Variants in PRKAB2 observed in about 807,000 individuals in gnomAD.
PRKAB2 encodes protein kinase AMP-activated non-catalytic subunit beta 2.
A neutral mutation model predicts 29.8 loss-of-function variants in PRKAB2; 18 were observed. The ratio of observed to expected loss-of-function variants is 0.60; its 90% CI spans 0.42 to 0.89. PRKAB2 has a LOEUF of 0.89. PRKAB2 is among the 40% of genes least tolerant of loss of function. The probability of loss-of-function intolerance (pLI) is 0.00; values close to 1 mark genes in which losing one functional copy is unlikely to be tolerated. For missense variants in PRKAB2, 270 were observed against 344.3 expected, an observed-to-expected ratio of 0.78 and a Z score of 1.71; for synonymous variants, 136 against 125.9, an observed-to-expected ratio of 1.08 and a Z score of -0.54.
At chr1:147,169,705 T>C (rs1654423650) in intron 2 of PRKAB2, among the ~76,000 whole-genome samples, 1 of 152,234 alleles carries the variant, frequency 6.6e-6, no homozygotes, top group African/African-American at 2.4e-5. Context: ...ATAGATGTTA[T>C]ATGTTCATTC....
chr1:147,163,373 TCTAC>T (rs1164280446), intron 5 of PRKAB2, among the ~76,000 whole-genome samples: 1 of 152,188 alleles, frequency 6.6e-6, no homozygotes, highest in Non-Finnish European at 1.5e-5. Context: ...AAAACATATG[TCTAC>T]ACAAAAACTT....
Position 147,166,885 on chromosome 1 carries a change from C to T in PRKAB2, c.378G>A (p.Lys126=), listed in dbSNP as rs782448525. ...GAACCCACTGTCCATCCACAAAGAA[C>T]TTGTATTGGTGCTCTCCCTCAGGGA... ...LDLPEGEHQY[K]FFVDGQWVHD... Residue 126 remains lysine, a synonymous_variant, in exon 4 of 8, where the codon AAG becomes AAA. Coordinates refer to ENST00000254101, the MANE Select transcript of PRKAB2 (RefSeq NM_005399.5). 4 of 1,614,088 alleles carry T rather than the reference C, an allele frequency of 2.5e-6. No homozygotes were observed. Among genetic ancestry groups the T allele is most frequent in the Non-Finnish European group, 3.4e-6 (4 of 1,179,978 alleles).
chr1:147,163,501 T>A (rs587773057), intron 5 of PRKAB2, among the ~76,000 whole-genome samples: 3 of 152,212 alleles, frequency 2.0e-5, no homozygotes, highest in Non-Finnish European at 4.4e-5. Context: ...AATGGGCTCT[T>A]ATTCAGCCAT....
At chr1:147,169,166 A>C (rs1043433135) in intron 2 of PRKAB2, among the ~76,000 whole-genome samples, 1 of 152,120 alleles carries the variant, frequency 6.6e-6, no homozygotes, top group Non-Finnish European at 1.5e-5. Flanking sequence ...AATATTACTA[A>C]ATTGAATAAT....
At position 147,166,852 on chromosome 1, in the gene PRKAB2, T is replaced by C; in HGVS notation, c.411A>G (p.Pro137=). The part of the protein sequence containing the change: ...FFVDGQWVHD[P]SEPVVTSQLG... ...TTGGAGATCAAGGCCTTACCTCTGA[T>C]GGATCATGAACCCACTGTCCATCCA... is the stretch of plus-strand genomic sequence containing the variant. The change falls in exon 4 of 8, where the codon CCA becomes CCG. Residue 137 remains proline (P), a synonymous_variant. Coordinates refer to ENST00000254101, the MANE Select transcript of PRKAB2 (RefSeq NM_005399.5). The C allele has an allele frequency of 6.2e-7, 1 of 1,613,574 alleles. No homozygotes were observed. The highest frequency in any genetic ancestry group is 8.5e-7 in the Non-Finnish European group (1 of 1,179,458).
rs1230084325 is a variant in PRKAB2 at position 147,156,574 on chromosome 1, A to G, written c.*2991T>C. 1.3e-5 allele frequency: 2 copies of G among 152,156 alleles called. No individual in the cohort carries two copies. Among genetic ancestry groups the G allele is most frequent in the African/African-American group, 4.8e-5 (2 of 41,454 alleles). 9.4% of individuals were successfully genotyped at this position (152,156 alleles called of 1,614,324 possible). The stretch of plus-strand genomic sequence containing the variant: ...CATACAAACATACGTTTTAAAAGCC[A>G]ACACTATTGAGGTTAGGTATGCCCT... On this transcript the variant is annotated 3_prime_UTR_variant, in exon 8 of 8. Coordinates refer to ENST00000254101, the MANE Select transcript of PRKAB2 (RefSeq NM_005399.5).
At position 147,158,591 on chromosome 1, in the gene PRKAB2, A is replaced by G. The variant is rs1653789422; in HGVS notation, c.*974T>C. ...TTAATTAAAAAAAAAATGCAGGCAC[A>G]TAAAAATCTTTCAAGGATGAAAGAC... On this transcript the variant is annotated 3_prime_UTR_variant, in exon 8 of 8. Coordinates refer to ENST00000254101, the MANE Select transcript of PRKAB2 (RefSeq NM_005399.5). The G allele has an allele frequency of 6.6e-6, 1 of 152,140 alleles. No homozygotes were observed. The highest frequency in any genetic ancestry group is 1.5e-5 in the Non-Finnish European group (1 of 68,026). The allele number at this position is 152,140 out of a possible 1,614,324, so 9.4% of individuals were successfully genotyped here.
chr1:147,159,381 C>G lies in PRKAB2; in HGVS notation c.*184G>C. 7.5e-6 allele frequency: 4 copies of G among 536,880 alleles called. No homozygotes were observed. Among genetic ancestry groups the G allele is most frequent in the Non-Finnish European group, 1.3e-5 (4 of 301,782 alleles). The allele number at this position is 536,880 out of a possible 1,614,324, so 33.3% of individuals were successfully genotyped here. Reference sequence around the variant, plus strand: ...ATATTTTTTTTTCTTAAAATAAATTCCGTGAACTCATAAAGCTCTCATCTG... The same window carrying G: ...ATATTTTTTTTTCTTAAAATAAATTGCGTGAACTCATAAAGCTCTCATCTG... On this transcript the variant is annotated 3_prime_UTR_variant, in exon 8 of 8. Transcript: ENST00000254101.
At position 147,158,221 on chromosome 1, in the gene PRKAB2, C is replaced by T. The variant is rs1653769334; in HGVS notation, c.*1344G>A. 1 of 152,132 alleles carries T rather than the reference C, an allele frequency of 6.6e-6. No homozygotes were observed. Among genetic ancestry groups the T allele is most frequent in the Non-Finnish European group, 1.5e-5 (1 of 68,014 alleles). 9.4% of individuals were successfully genotyped at this position (152,132 alleles called of 1,614,324 possible). On this transcript the variant is annotated 3_prime_UTR_variant, in exon 8 of 8. Transcript: ENST00000254101. Reference sequence around the variant, plus strand: ...ATGGAATTCAGTGACCCCACTTAATCATCAAACACCTTTAAAAAGAAGAGG... The same window carrying T: ...ATGGAATTCAGTGACCCCACTTAATTATCAAACACCTTTAAAAAGAAGAGG...
In PRKAB2 at chr1:147,172,133, G is replaced by A. The variant is rs1054721854; in HGVS notation, c.12C>T (p.Thr4=). 1.3e-6 allele frequency: 2 copies of A among 1,550,718 alleles called. No homozygotes were observed. The highest frequency in any genetic ancestry group is 1.7e-6 in the Non-Finnish European group (2 of 1,147,994). ...GCTCCCCGGACACCCGGTCGCTGGT[G>A]GTGTTTCCCATGGCTGCAGCTCGTC... The part of the protein sequence containing the change: MGN[T]TSDRVSGERH... Residue 4 remains threonine, a synonymous_variant, in exon 2 of 8, where the codon ACC becomes ACT. Coordinates refer to ENST00000254101, the MANE Select transcript of PRKAB2 (RefSeq NM_005399.5).
In PRKAB2 at chr1:147,158,521, G is replaced by C. The variant is rs1653785944; in HGVS notation, c.*1044C>G. ...TTGAAGAAGCATTTATCAAAAGCCT[G>C]AAATTCTCCAATGCGGTCTCTTAAG... On this transcript the variant is annotated 3_prime_UTR_variant, in exon 8 of 8. Coordinates refer to ENST00000254101, the MANE Select transcript of PRKAB2 (RefSeq NM_005399.5). The C allele has an allele frequency of 6.6e-6, 1 of 151,948 alleles. No individual in the cohort carries two copies. The highest frequency in any genetic ancestry group is 2.1e-4 in the South Asian group (1 of 4,826). The allele number at this position is 151,948 out of a possible 1,614,324, so 9.4% of individuals were successfully genotyped here. A position where few individuals can be genotyped will look rare whatever the true frequency, so the allele number is the denominator to read the frequency against.
intron 5 of PRKAB2, among the ~76,000 whole-genome samples, chr1:147,162,897 T>C (rs1480925659): frequency 6.6e-6 from 1 of 152,208 alleles, no homozygotes; most frequent in Non-Finnish European, 1.5e-5. Context: ...GTCAGTTTCT[T>C]TATAAAATAA....
intron 2 of PRKAB2, 56 bp from the exon 3 acceptor site, chr1:147,167,989 A>C: frequency 6.5e-7 from 1 of 1,547,858 alleles, no homozygotes; most frequent in Non-Finnish European, 8.8e-7. Flanking sequence ...AATTCTAAAA[A>C]GGTCACTCTC....
intron 1 of PRKAB2, 23 bp from the exon 2 acceptor site, chr1:147,172,190 G>T: frequency 6.6e-7 from 1 of 1,506,958 alleles, no homozygotes; most frequent in Non-Finnish European, 8.9e-7. Context: ...ACGACACCGG[G>T]CTGGGAACAC....
chr1:147,168,484 AACTAGATC>A (rs1305855591), intron 2 of PRKAB2, among the ~76,000 whole-genome samples: 3 of 152,226 alleles, frequency 2.0e-5, no homozygotes, highest in Non-Finnish European at 2.9e-5. Context: ...AAAATTCAAA[AACTAGATC>A]ACTGATTTCT....
chr1:147,162,443 A>G lies in PRKAB2; in HGVS notation c.669T>C (p.Ile223=), dbSNP rs782495531. 2 of 1,611,938 alleles carry G rather than the reference A, an allele frequency of 1.2e-6. No individual in the cohort carries two copies. Among genetic ancestry groups the G allele is most frequent in the Non-Finnish European group, 1.7e-6 (2 of 1,178,542 alleles). Residue 223 remains isoleucine (I), a synonymous_variant, in exon 6 of 8, where the codon ATT becomes ATC. Transcript: ENST00000254101. ...LQVILNKDTN[I]SCDPALLPEP... ...CAGTAATACTCAGGATACTCACAGA[A>G]ATATTAGTGTCTTTGTTAAGAATAA...
chr1:147,171,859 C>G (rs782476942), intron 2 of PRKAB2, 130 bp downstream of exon 2: 7 of 1,221,330 alleles, frequency 5.7e-6, no homozygotes, highest in Non-Finnish European at 8.0e-6. Flanking sequence ...CCTCTGTCCC[C>G]GATAAATCCC....
intron 5 of PRKAB2, 123 bp from the exon 6 acceptor site, chr1:147,162,696 A>AT: frequency 3.8e-6 from 4 of 1,041,128 alleles, no homozygotes; most frequent in Non-Finnish European, 5.4e-6. Flanking sequence ...CAAACTTGTG[A>AT]CCTGTGGGAT....
rs1033628961 is a variant in PRKAB2, at chr1:147,172,441, G to C, written c.-36C>G. On this transcript the variant is annotated 5_prime_UTR_variant, in exon 1 of 8. Transcript: ENST00000254101. ...CCACTCCAGTCACCTCGGGCGATGC[G>C]CTCCCTCCTCCAAGGGCCACTGATG... 6.2e-6 allele frequency: 3 copies of C among 487,100 alleles called. No individual in the cohort carries two copies. Among genetic ancestry groups the C allele is most frequent in the Non-Finnish European group, 1.1e-5 (3 of 276,426 alleles). 30.2% of individuals were successfully genotyped at this position (487,100 alleles called of 1,614,324 possible). A position where few individuals can be genotyped will look rare whatever the true frequency, so the allele number is the denominator to read the frequency against.
Sources: gnomAD v4.1 joint callset for allele counts (sites outside exome capture counted in the v4.1 genomes callset) on GRCh38, gnomAD v4.1.1 for gene constraint, MANE v1.5 for transcripts, NCBI Gene and HGNC (gene_info 2026-07-23, HGNC 2026-07-21) for gene names.